Variants in GRM1 observed in about 807,000 individuals in gnomAD.
GRM1 encodes the protein glutamate metabotropic receptor 1.
A neutral mutation model predicts 90.9 loss-of-function variants in GRM1; 33 were observed. The ratio of observed to expected loss-of-function variants is 0.36; its 90% confidence interval spans 0.28 to 0.49. The LOEUF (loss-of-function observed/expected upper bound fraction) is 0.49. GRM1 is among the 20% of genes least tolerant of loss of function. The pLI, the probability that GRM1 is intolerant of heterozygous loss-of-function variation, is 0.99. For missense variants in GRM1, 1,190 were observed against 1,534.3 expected (o/e 0.78, Z 3.75); for synonymous variants, 700 against 613.2 (o/e 1.14, Z -2.09).
intron 1 of GRM1, among the ~76,000 whole-genome samples, chr6:146,118,293 C>T (rs1189221934): frequency 3.3e-5 from 5 of 151,756 alleles, no homozygotes; most frequent in South Asian, 2.1e-4. Flanking sequence ...GCGCCCACCA[C>T]GACGCCCAGC....
intron 2 of GRM1, among the ~76,000 whole-genome samples, chr6:146,300,200 A>T (rs1186199837): frequency 1.3e-5 from 2 of 152,186 alleles, no homozygotes; most frequent in African/African-American, 2.4e-5. Flanking sequence ...TTGCTTTAGC[A>T]CCTAGACTGT....
In GRM1 at chr6:146,286,684, G is replaced by A. The variant is rs77793806; in HGVS notation, c.951-17927G>A. Reference sequence around the variant, plus strand: ...GGAAATAAGTGAACAATTGGAAAGCGTAGTTGTTAACAAGTTTTTGCTGCA... The same window carrying A: ...GGAAATAAGTGAACAATTGGAAAGCATAGTTGTTAACAAGTTTTTGCTGCA... On this transcript the variant is annotated intron_variant, in intron 2 of 7. Transcript: ENST00000282753. Among the ~76,000 whole-genome samples, 429 of 152,302 alleles carry A rather than the reference G, an allele frequency of 2.8e-3. 2 individuals are homozygous for A. The highest frequency in any genetic ancestry group is 9.9e-3 in the African/African-American group (412 of 41,586).
chr6:146,230,540 C>A (rs1780414028), intron 2 of GRM1, among the ~76,000 whole-genome samples: 1 of 152,124 alleles, frequency 6.6e-6, no homozygotes, highest in Admixed American at 6.6e-5. Flanking sequence ...TGTGGAACAA[C>A]AGGAACTCCC....
intron 2 of GRM1, among the ~76,000 whole-genome samples, chr6:146,300,997 A>G (rs1465893341): frequency 6.6e-6 from 1 of 152,224 alleles, no homozygotes; most frequent in Non-Finnish European, 1.5e-5. Flanking sequence ...GGTGATACAA[A>G]GATGAAACAC....
intron 1 of GRM1, among the ~76,000 whole-genome samples, chr6:146,156,308 A>G (rs1296307660): frequency 6.6e-6 from 1 of 152,208 alleles, no homozygotes; most frequent in Non-Finnish European, 1.5e-5. Flanking sequence ...CAGGAGGCTG[A>G]GACAGGAGAA....
chr6:146,234,837 G>A (rs1780580238), intron 2 of GRM1, among the ~76,000 whole-genome samples: 1 of 152,092 alleles, frequency 6.6e-6, no homozygotes, highest in Admixed American at 6.6e-5. Context: ...CTGCCTCCCA[G>A]GCTCAAGCAA....
At chr6:146,385,325 C>T (rs1776463702) in intron 5 of GRM1, among the ~76,000 whole-genome samples, 1 of 151,938 alleles carries the variant, frequency 6.6e-6, no homozygotes, top group Non-Finnish European at 1.5e-5. Flanking sequence ...GAAGTAACAT[C>T]TTCAAAGCAC....
chr6:146,271,889 C>T (rs1051382060), intron 2 of GRM1, among the ~76,000 whole-genome samples: 2 of 152,212 alleles, frequency 1.3e-5, no homozygotes, highest in Non-Finnish European at 2.9e-5. Flanking sequence ...TTATCTCTAA[C>T]GTCTGGTAGT....
chr6:146,423,525 G>C (rs190190986), intron 7 of GRM1, among the ~76,000 whole-genome samples: 2 of 150,772 alleles, frequency 1.3e-5, no homozygotes. Context: ...TGGGATTACT[G>C]AGTTACTGTG....
chr6:146,028,587 C>T (rs1790586491), upstream of GRM1, among the ~76,000 whole-genome samples: 1 of 152,008 alleles, frequency 6.6e-6, no homozygotes, highest in African/African-American at 2.4e-5. Flanking sequence ...ACACAGCAAG[C>T]CTGACTTCTT....
At chr6:146,207,937 A>G (rs948124547) in intron 2 of GRM1, among the ~76,000 whole-genome samples, 1 of 152,128 alleles carries the variant, frequency 6.6e-6, no homozygotes, top group African/African-American at 2.4e-5. Context: ...ACATGAATTT[A>G]TAGGCATTTT....
intron 2 of GRM1, among the ~76,000 whole-genome samples, chr6:146,269,445 C>T (rs1427529122): frequency 1.3e-5 from 2 of 152,200 alleles, no homozygotes; most frequent in Non-Finnish European, 1.5e-5. Flanking sequence ...ATGGAGTTCA[C>T]ATACACACTT....
intron 1 of GRM1, among the ~76,000 whole-genome samples, chr6:146,103,360 G>A (rs1777113707): frequency 6.6e-6 from 1 of 152,152 alleles, no homozygotes; most frequent in African/African-American, 2.4e-5. Context: ...CCAGGCCAAA[G>A]GGGTCATGCT....
intron 5 of GRM1, among the ~76,000 whole-genome samples, chr6:146,382,357 C>G (rs1776349373): frequency 1.4e-5 from 2 of 147,652 alleles, no homozygotes; most frequent in South Asian, 4.2e-4. Flanking sequence ...CTGAATGTAA[C>G]ATATCTCCCC....
At chr6:146,352,151 C>T (rs746544439) in intron 3 of GRM1, 99 bp from the exon 4 acceptor site, 150 of 1,241,076 alleles carry the variant, frequency 1.2e-4, no homozygotes, top group Non-Finnish European at 1.7e-4. Flanking sequence ...ATTGCTCATT[C>T]CCTTCCTCTG....
rs1790622184 is a variant in GRM1, at chr6:146,029,331, C to G, written c.-187C>G. On this transcript the variant is annotated 5_prime_UTR_variant, in exon 1 of 8. Transcript: ENST00000282753. ...GCTTGTAGAGGCGGTCGTGGAGGAC[C>G]CAGAGGAGGAGACGAAGGGGAAGGA... The G allele has an allele frequency of 1.6e-6, 1 of 639,924 alleles. No individual in the cohort carries two copies. The highest frequency in any genetic ancestry group is 2.8e-6 in the Non-Finnish European group (1 of 358,036). 39.6% of individuals were successfully genotyped at this position (639,924 alleles called of 1,614,324 possible). A position where few individuals can be genotyped will look rare whatever the true frequency, so the allele number is the denominator to read the frequency against.
intron 3 of GRM1, among the ~76,000 whole-genome samples, chr6:146,332,057 CA>C (rs1333599961): frequency 6.6e-6 from 1 of 152,158 alleles, no homozygotes; most frequent in African/African-American, 2.4e-5. Context: ...TAGACCATTA[CA>C]GTATTGATCA....
chr6:146,260,156 C>G (rs1156246951), intron 2 of GRM1, among the ~76,000 whole-genome samples: 1 of 151,958 alleles, frequency 6.6e-6, no homozygotes, highest in East Asian at 1.9e-4. Flanking sequence ...CTATCCCTCC[C>G]CTAGGCCCCC....
intron 1 of GRM1, among the ~76,000 whole-genome samples, chr6:146,119,848 G>T (rs987282626): frequency 7.2e-5 from 11 of 152,154 alleles, no homozygotes; most frequent in African/African-American, 2.7e-4. Context: ...CTGTAGCCTT[G>T]TAGTATAGTT....
Sources: gnomAD v4.1 joint callset for allele counts (sites outside exome capture counted in the v4.1 genomes callset) on GRCh38, gnomAD v4.1.1 for gene constraint, MANE v1.5 for transcripts, NCBI Gene and HGNC (gene_info 2026-07-23, HGNC 2026-07-21) for gene names.